Variants in PCSK5 observed in about 807,000 individuals in gnomAD.
PCSK5 encodes the protein prohormone convertase 5.
In PCSK5, 129 loss-of-function variants were observed where a neutral mutation model predicts 233.2. The ratio of observed to expected loss-of-function variants is 0.55; its 90% CI spans 0.48 to 0.64. The LOEUF (loss-of-function observed/expected upper bound fraction) is 0.64. Ranked by LOEUF, PCSK5 falls within the 30% of genes least tolerant of loss-of-function variation. The pLI, the probability that PCSK5 is intolerant of heterozygous loss-of-function variation, is 0.00. For synonymous variants in PCSK5, 825 were observed against 879.2 expected (o/e 0.94, Z 1.09); for missense variants, 2,076 against 2,430.1 (o/e 0.85, Z 3.06).
chr9:76,009,516 A>G (rs565330490), intron 3 of PCSK5, among the ~76,000 whole-genome samples: 17 of 151,742 alleles, frequency 1.1e-4, no homozygotes, highest in Non-Finnish European at 1.3e-4. Flanking sequence ...AGTCCCAGCT[A>G]CTCGGGAGGC....
At chr9:75,943,771 A>G (rs1824431417) in intron 2 of PCSK5, among the ~76,000 whole-genome samples, 1 of 152,242 alleles carries the variant, frequency 6.6e-6, no homozygotes, top group African/African-American at 2.4e-5. Flanking sequence ...ATGTAAGAAA[A>G]GATCAAAAGT....
chr9:76,045,786 A>G (rs1563992543), intron 5 of PCSK5, among the ~76,000 whole-genome samples: 1 of 152,146 alleles, frequency 6.6e-6, no homozygotes, highest in East Asian at 1.9e-4. Context: ...CACTGAAGTG[A>G]TTTAGATGTT....
intron 3 of PCSK5, among the ~76,000 whole-genome samples, chr9:75,995,478 AGT>A (rs1826972374): frequency 6.6e-6 from 1 of 152,184 alleles, no homozygotes; most frequent in African/African-American, 2.4e-5. Flanking sequence ...AGAAGAAATA[AGT>A]GTTTTATGAT....
chr9:75,993,691 G>T (rs1000992987), intron 3 of PCSK5, among the ~76,000 whole-genome samples: 12 of 152,144 alleles, frequency 7.9e-5, no homozygotes, highest in African/African-American at 2.7e-4. Flanking sequence ...CCTAAAAAGG[G>T]TACAAAGCAC....
At position 76,157,151 on chromosome 9, in the gene PCSK5, C is replaced by T. The variant is rs1822622034; in HGVS notation, c.1419C>T (p.Asp473=). The T allele has an allele frequency of 2.5e-6, 4 of 1,610,622 alleles. No individual in the cohort carries two copies. The highest frequency in any genetic ancestry group is 1.3e-5 in the African/African-American group (1 of 74,828). Residue 473 remains aspartate (D), a synonymous_variant, in exon 11 of 38, where the codon GAC becomes GAT. Coordinates refer to ENST00000674117, the MANE Select transcript of PCSK5 (RefSeq NM_001372043.1). The part of the protein sequence containing the change: ...PRQHVCVEST[D]RQIKTIRPNS... ...AGCACGTGTGTGTGGAGAGCACAGA[C>T]CGACAAATCAAGTAATGCTTGCTGC... is the stretch of plus-strand genomic sequence containing the variant.
chr9:75,965,261 ATGTGTGTGTGTGTG>A lies in PCSK5; in HGVS notation c.298-20854_298-20841del, dbSNP rs71372035. Among the ~76,000 whole-genome samples, 128 of 149,808 alleles carry A rather than the reference ATGTGTGTGTGTGTG, an allele frequency of 8.5e-4. 1 individual carries two copies. The highest frequency in any genetic ancestry group is 1.3e-3 in the Non-Finnish European group (88 of 67,450). On this transcript the variant is annotated intron_variant, in intron 2 of 37. Coordinates refer to ENST00000674117, the MANE Select transcript of PCSK5 (RefSeq NM_001372043.1). ...ATCCTATATATGTGTATGTGTGTAT[ATGTGTGTGTGTGTG>A]TGTGTGTGTGTGTGTGGAGAGAGAG...
At chr9:75,942,705 A>G (rs1205807012) in intron 2 of PCSK5, among the ~76,000 whole-genome samples, 2 of 152,280 alleles carry the variant, frequency 1.3e-5, no homozygotes, top group South Asian at 2.1e-4. Flanking sequence ...AGGAAGCACC[A>G]TAAGTTGAAG....
At chr9:76,090,348 A>C (rs888963047) in intron 7 of PCSK5, among the ~76,000 whole-genome samples, 7 of 152,044 alleles carry the variant, frequency 4.6e-5, no homozygotes, top group African/African-American at 1.7e-4. Context: ...TATGAATGGA[A>C]ACCCCCTGTG....
At chr9:76,163,031 C>G (rs1228655709) in intron 12 of PCSK5, among the ~76,000 whole-genome samples, 1 of 152,166 alleles carries the variant, frequency 6.6e-6, no homozygotes, top group Non-Finnish European at 1.5e-5. Flanking sequence ...AAACCAGAGA[C>G]CAGACAATGA....
intron 22 of PCSK5, among the ~76,000 whole-genome samples, chr9:76,235,550 A>G (rs1220310664): frequency 1.3e-5 from 2 of 152,156 alleles, no homozygotes; most frequent in African/African-American, 4.8e-5. Flanking sequence ...TTCTATTTAC[A>G]AGTTACTATG....
chr9:76,354,637 C>G (rs1196993870), intron 37 of PCSK5, among the ~76,000 whole-genome samples: 1 of 152,034 alleles, frequency 6.6e-6, no homozygotes, highest in African/African-American at 2.4e-5. Context: ...ATTAGCTGGG[C>G]GTGGTGGTGC....
Position 76,067,936 on chromosome 9 carries a change from G to T in PCSK5, c.633-19G>T. On this transcript the variant is annotated intron_variant, in intron 5 of 37. Transcript: ENST00000674117. The stretch of plus-strand genomic sequence containing the variant: ...AATGGTGTGTCTTACTTGAGAAAGT[G>T]TGTGTGTTCTGCCTGCAGGCATGGG... 1 of 1,602,880 alleles carries T rather than the reference G, an allele frequency of 6.2e-7. No homozygotes were observed. Among genetic ancestry groups the T allele is most frequent in the Non-Finnish European group, 8.5e-7 (1 of 1,170,334 alleles).
At chr9:76,175,296 A>AATTGAATC (rs753600059) in intron 14 of PCSK5, 167 bp downstream of exon 14, 2 of 389,830 alleles carry the variant, frequency 5.1e-6, no homozygotes, top group African/African-American at 7.1e-5. Context: ...CGAATCGAAT[A>AATTGAATC]GAATAGAATA....
At chr9:76,347,149 ACCCAGG>A (rs902001342) in intron 35 of PCSK5, among the ~76,000 whole-genome samples, 1 of 151,812 alleles carries the variant, frequency 6.6e-6, no homozygotes, top group Non-Finnish European at 1.5e-5. Context: ...TGGAATCAAA[ACCCAGG>A]CTGAGTAACC....
chr9:76,275,818 A>C (rs984058052), intron 24 of PCSK5, among the ~76,000 whole-genome samples: 1 of 152,204 alleles, frequency 6.6e-6, no homozygotes, highest in African/African-American at 2.4e-5. Flanking sequence ...ACACTACATT[A>C]GAGGTTTCTC....
chr9:75,954,082 G>T (rs554601813), intron 2 of PCSK5, among the ~76,000 whole-genome samples: 1 of 152,222 alleles, frequency 6.6e-6, no homozygotes, highest in Non-Finnish European at 1.5e-5. Context: ...ATCTGAATAG[G>T]TTAATAATCT....
chr9:76,003,992 G>T (rs1198727686), intron 3 of PCSK5, among the ~76,000 whole-genome samples: 1 of 151,982 alleles, frequency 6.6e-6, no homozygotes, highest in East Asian at 1.9e-4. Context: ...TGTAGAGCAG[G>T]GTTTCGTGTT....
At position 76,335,382 on chromosome 9, in the gene PCSK5, T is replaced by A. The variant is rs527415543; in HGVS notation, c.4748+2772T>A. Among the ~76,000 whole-genome samples, 32 of 152,348 alleles carry A rather than the reference T, an allele frequency of 2.1e-4. No homozygotes were observed. The South Asian group carries it at 6.4e-3, about 31-fold the overall frequency. ...GAATATTCATGAGGTATATGAGAAC[T>A]CTTCCTTTAGTAAAATCAGTGTTCC... On this transcript the variant is annotated intron_variant, in intron 34 of 37. Transcript: ENST00000674117.
chr9:75,909,193 T>G (rs1248699350), intron 1 of PCSK5, among the ~76,000 whole-genome samples: 1 of 151,398 alleles, frequency 6.6e-6, no homozygotes, highest in African/African-American at 2.4e-5. Flanking sequence ...GGTGTGGTGA[T>G]GCACACCTGT....
Sources: allele counts gnomAD v4.1 joint callset (sites outside exome capture counted in the v4.1 genomes callset), GRCh38; gene constraint gnomAD v4.1.1; transcripts MANE v1.5; gene names NCBI Gene and HGNC (gene_info 2026-07-23, HGNC 2026-07-21).